The following TUSC3 variants were observed in gnomAD, a reference collection of about 807,000 sequenced individuals.
TUSC3 encodes dolichyl-diphosphooligosaccharide--protein glycosyltransferase subunit TUSC3.
TUSC3 carries 45 observed loss-of-function variants against 44.8 expected under a neutral mutation model. The ratio of observed to expected loss-of-function variants is 1.00; its 90% CI spans 0.79 to 1.29. The LOEUF (loss-of-function observed/expected upper bound fraction) is 1.29, where lower values mean the gene tolerates loss of function less well. Ranked by LOEUF, TUSC3 falls within the 50% of genes most tolerant of loss-of-function variation. The pLI is 0.00. For missense variants in TUSC3, 519 were observed against 437.9 expected (o/e 1.19, Z -1.65); for synonymous variants, 212 against 152.9 (o/e 1.39, Z -2.85).
At chr8:15,732,584 T>C (rs1236088236) in intron 7 of TUSC3, among the ~76,000 whole-genome samples, 2 of 151,852 alleles carry the variant, frequency 1.3e-5, no homozygotes, top group African/African-American at 4.8e-5. Flanking sequence ...AATCATCTTC[T>C]AATAAAATTT....
intron 2 of TUSC3, among the ~76,000 whole-genome samples, chr8:15,631,313 A>G (rs188906762): frequency 1.8e-3 from 271 of 152,318 alleles, no homozygotes; most frequent in Non-Finnish European, 3.2e-3. Flanking sequence ...TTCCTCAGAT[A>G]GGATAATCCC....
chr8:15,806,394 G>A, the TUSC3 span: 1 of 737,854 alleles, frequency 1.4e-6, no homozygotes, highest in South Asian at 1.4e-5. Flanking sequence ...CTTCTTCGCT[G>A]CTTCTGGTGA....
At chr8:15,764,157 C>T in intron 10 of TUSC3, 46 bp from the exon 11 acceptor site, 1 of 1,506,110 alleles carries the variant, frequency 6.6e-7, no homozygotes, top group East Asian at 2.3e-5. Flanking sequence ...ATTGTATTTT[C>T]CTTATGTTCT....
intron 1 of TUSC3, among the ~76,000 whole-genome samples, chr8:15,458,221 AGTGCT>A (rs2129121422): frequency 6.6e-6 from 1 of 152,230 alleles, no homozygotes; most frequent in African/African-American, 2.4e-5. Flanking sequence ...TAGTTTATAA[AGTGCT>A]TACATATGCT....
chr8:15,632,086 A>G (rs982556973), intron 2 of TUSC3, among the ~76,000 whole-genome samples: 1 of 152,180 alleles, frequency 6.6e-6, no homozygotes, highest in Non-Finnish European at 1.5e-5. Context: ...ATCTTACTAT[A>G]TAATTCATAT....
At chr8:15,524,282 T>G (rs1801343922) in intron 2 of TUSC3, among the ~76,000 whole-genome samples, 1 of 152,106 alleles carries the variant, frequency 6.6e-6, no homozygotes, top group Non-Finnish European at 1.5e-5. Flanking sequence ...TATATTTCAA[T>G]ATATCTACAA....
At chr8:15,836,073 AG>A in the TUSC3 span, among the ~76,000 whole-genome samples, 24 of 152,188 alleles carry the variant, frequency 1.6e-4, no homozygotes, top group South Asian at 5.0e-3. Flanking sequence ...TATGATCAAA[AG>A]CTTTGTTTTC....
the TUSC3 span, among the ~76,000 whole-genome samples, chr8:15,801,645 G>C: frequency 1.3e-5 from 2 of 152,150 alleles, no homozygotes; most frequent in African/African-American, 2.4e-5. Context: ...CAAAAACCCA[G>C]AGAAGCATAA....
At chr8:15,429,614 C>T (rs536177075) in intron 1 of TUSC3, among the ~76,000 whole-genome samples, 24 of 151,604 alleles carry the variant, frequency 1.6e-4, no homozygotes, top group African/African-American at 5.4e-4. Flanking sequence ...TGAACATGGA[C>T]TGTTCTTCCA....
At chr8:15,599,231 T>C (rs575159109) in intron 1 of TUSC3, among the ~76,000 whole-genome samples, 3 of 152,036 alleles carry the variant, frequency 2.0e-5, no homozygotes, top group South Asian at 2.1e-4. Context: ...ATATCTTCTT[T>C]GGTGAGATGT....
At chr8:15,437,809 C>T (rs1799969057) in intron 1 of TUSC3, among the ~76,000 whole-genome samples, 1 of 152,108 alleles carries the variant, frequency 6.6e-6, no homozygotes, top group African/African-American at 2.4e-5. Flanking sequence ...ACAGTCATGC[C>T]TTAAGGACTC....
At chr8:15,418,893 C>G (rs971702447) in intron 1 of TUSC3, among the ~76,000 whole-genome samples, 1 of 152,112 alleles carries the variant, frequency 6.6e-6, no homozygotes, top group Non-Finnish European at 1.5e-5. Context: ...GTAGTCCTAG[C>G]TACTTCAGAA....
intron 10 of TUSC3, among the ~76,000 whole-genome samples, chr8:15,763,870 C>G: frequency 6.6e-6 from 1 of 151,934 alleles, no homozygotes; most frequent in East Asian, 1.9e-4. Context: ...TTGTTTCAGT[C>G]CATTCCCTTG....
chr8:15,443,760 C>G (rs1800053861), intron 1 of TUSC3, among the ~76,000 whole-genome samples: 2 of 152,170 alleles, frequency 1.3e-5, no homozygotes, highest in Non-Finnish European at 2.9e-5. Context: ...CTGGGCGCTA[C>G]AAGATTCTCA....
the TUSC3 span, among the ~76,000 whole-genome samples, chr8:15,779,196 G>A: frequency 2.7e-5 from 4 of 150,050 alleles, no homozygotes; most frequent in Admixed American, 6.7e-5. Context: ...CAGTAGTATC[G>A]GGGAAACCCC....
At chr8:15,434,851 C>T (rs534317688) in intron 1 of TUSC3, among the ~76,000 whole-genome samples, 1 of 152,184 alleles carries the variant, frequency 6.6e-6, no homozygotes, top group South Asian at 2.1e-4. Context: ...CATGTCCCTA[C>T]AAAGGACATG....
chr8:15,697,947 A>G (rs1213816377), intron 6 of TUSC3, among the ~76,000 whole-genome samples: 3 of 152,242 alleles, frequency 2.0e-5, no homozygotes, highest in Non-Finnish European at 4.4e-5. Flanking sequence ...AGAGTTTAAT[A>G]TCTTTGAAAA....
intron 1 of TUSC3, among the ~76,000 whole-genome samples, chr8:15,608,762 G>C (rs181860809): frequency 6.6e-6 from 1 of 152,082 alleles, no homozygotes; most frequent in Admixed American, 6.6e-5. Context: ...CACCATGATT[G>C]TAAGTTTCCT....
At chr8:15,736,122 TACAC>T (rs1356852081) in intron 7 of TUSC3, among the ~76,000 whole-genome samples, 3 of 152,054 alleles carry the variant, frequency 2.0e-5, no homozygotes, top group Admixed American at 2.0e-4. Flanking sequence ...TAAACATAAA[TACAC>T]ACATACACGC....
Sources: gnomAD v4.1 joint callset for allele counts (sites outside exome capture counted in the v4.1 genomes callset) on GRCh38, gnomAD v4.1.1 for gene constraint, MANE v1.5 for transcripts, NCBI Gene and HGNC (gene_info 2026-07-23, HGNC 2026-07-21) for gene names.